Variants in LYPLAL1 observed in about 807,000 individuals in gnomAD.
LYPLAL1 encodes lysophospholipase like 1, also known as lysophospholipase-like protein 1.
A neutral mutation model predicts 19.7 loss-of-function variants in LYPLAL1; 23 were observed. That is an observed-to-expected ratio of 1.17 (90% CI 0.84 to 1.65). LYPLAL1 has a LOEUF of 1.65. Ranked by LOEUF, LYPLAL1 falls within the 40% of genes most tolerant of loss-of-function variation. The probability of loss-of-function intolerance (pLI) is 0.00; values close to 1 mark genes in which losing one functional copy is unlikely to be tolerated. For synonymous variants in LYPLAL1, 119 were observed against 96.3 expected (o/e 1.24, Z -1.38); for missense variants, 355 against 279.4 (o/e 1.27, Z -1.93).
chr1:219,178,696 CTTT>C (rs1452335258), intron 1 of LYPLAL1, among the ~76,000 whole-genome samples: 1 of 151,964 alleles, frequency 6.6e-6, no homozygotes, highest in Admixed American at 6.6e-5. Flanking sequence ...ACATTTTGGA[CTTT>C]TTTTAACCAA....
chr1:219,217,302 T>C (rs1659324131), downstream of LYPLAL1, among the ~76,000 whole-genome samples: 1 of 151,982 alleles, frequency 6.6e-6, no homozygotes, highest in South Asian at 2.1e-4. Flanking sequence ...TTTTAATGAA[T>C]GCTTGTTCTG....
the LYPLAL1 span, among the ~76,000 whole-genome samples, chr1:219,379,829 T>C: frequency 6.6e-6 from 1 of 152,236 alleles, no homozygotes; most frequent in South Asian, 2.1e-4. Flanking sequence ...AGGATGCTGT[T>C]GCTGTAATCA....
chr1:219,312,195 T>C, the LYPLAL1 span, among the ~76,000 whole-genome samples: 18 of 152,106 alleles, frequency 1.2e-4, no homozygotes, highest in Non-Finnish European at 2.5e-4. Context: ...AGGAGGGCAC[T>C]GGACTTCTGA....
intron 3 of LYPLAL1, among the ~76,000 whole-genome samples, chr1:219,195,575 C>T (rs532919873): frequency 2.0e-5 from 3 of 152,060 alleles, no homozygotes; most frequent in Non-Finnish European, 4.4e-5. Flanking sequence ...CTCTTCCTTT[C>T]CCAGATCCAT....
chr1:219,177,573 G>T (rs550468007), intron 1 of LYPLAL1, among the ~76,000 whole-genome samples: 1 of 152,174 alleles, frequency 6.6e-6, no homozygotes, highest in South Asian at 2.1e-4. Context: ...GTCTAGTATT[G>T]TTCACCCAGT....
At chr1:219,318,468 C>T in the LYPLAL1 span, among the ~76,000 whole-genome samples, 1 of 150,666 alleles carries the variant, frequency 6.6e-6, no homozygotes, top group African/African-American at 2.4e-5. Context: ...ATTTTCTCAT[C>T]TCCACCAAAC....
the LYPLAL1 span, among the ~76,000 whole-genome samples, chr1:219,415,852 C>A: frequency 6.6e-6 from 1 of 152,208 alleles, no homozygotes; most frequent in Non-Finnish European, 1.5e-5. Context: ...TGCCCCTTGG[C>A]TTGCAGCTGA....
chr1:219,221,544 G>C, the LYPLAL1 span, among the ~76,000 whole-genome samples: 1 of 152,144 alleles, frequency 6.6e-6, no homozygotes. Context: ...TGGGGGTCGG[G>C]TGCTCAGTTT....
the LYPLAL1 span, among the ~76,000 whole-genome samples, chr1:219,258,149 A>G: frequency 6.6e-6 from 1 of 152,128 alleles, no homozygotes; most frequent in African/African-American, 2.4e-5. Flanking sequence ...GTTCGTTGTC[A>G]AGGTGCACTG....
the LYPLAL1 span, among the ~76,000 whole-genome samples, chr1:219,438,745 A>G: frequency 1.3e-5 from 2 of 152,330 alleles, no homozygotes; most frequent in South Asian, 4.1e-4. Context: ...GGCATTTACT[A>G]TGGCATTTAT....
chr1:219,375,490 TAAAAAAAAAAAA>T, the LYPLAL1 span, among the ~76,000 whole-genome samples: 69 of 37,488 alleles, frequency 1.8e-3, no homozygotes, highest in Non-Finnish European at 2.8e-3. Flanking sequence ...AAACTCCTTC[TAAAAAAAAAAAA>T]AAAAAAAAAA....
the LYPLAL1 span, among the ~76,000 whole-genome samples, chr1:219,409,211 G>A: frequency 1.3e-5 from 2 of 152,184 alleles, no homozygotes; most frequent in Non-Finnish European, 2.9e-5. Flanking sequence ...AATTTTGGGA[G>A]GTGGAGATGG....
chr1:219,250,882 C>G, the LYPLAL1 span, among the ~76,000 whole-genome samples: 3 of 152,048 alleles, frequency 2.0e-5, no homozygotes, highest in Non-Finnish European at 4.4e-5. Flanking sequence ...AATCGCCATA[C>G]TGCTTTCCAC....
chr1:219,396,962 T>C, the LYPLAL1 span, among the ~76,000 whole-genome samples: 29 of 152,100 alleles, frequency 1.9e-4, no homozygotes, highest in East Asian at 1.7e-3. Flanking sequence ...TGAGTAGGAG[T>C]GGTGAGAGAG....
At chr1:219,273,286 A>G in the LYPLAL1 span, 2 of 152,240 alleles carry the variant, frequency 1.3e-5, no homozygotes, top group Admixed American at 6.5e-5. Flanking sequence ...GTTTGAATCA[A>G]CATACAATCT....
chr1:219,312,512 C>T, the LYPLAL1 span, among the ~76,000 whole-genome samples: 1 of 152,110 alleles, frequency 6.6e-6, no homozygotes. Context: ...CTGGGGAAAC[C>T]ACGCCAGGGA....
chr1:219,263,324 G>T, the LYPLAL1 span, among the ~76,000 whole-genome samples: 1 of 152,076 alleles, frequency 6.6e-6, no homozygotes, highest in Non-Finnish European at 1.5e-5. Context: ...AGCTGGTGAG[G>T]CCAGTCTCAC....
At chr1:219,204,761 A>G (rs1658412497) in intron 3 of LYPLAL1, among the ~76,000 whole-genome samples, 1 of 152,206 alleles carries the variant, frequency 6.6e-6, no homozygotes, top group Non-Finnish European at 1.5e-5. Flanking sequence ...TGGCTAATAC[A>G]GAGTTGGGAC....
At chr1:219,339,487 A>G in the LYPLAL1 span, among the ~76,000 whole-genome samples, 4 of 152,084 alleles carry the variant, frequency 2.6e-5, no homozygotes, top group Non-Finnish European at 5.9e-5. Flanking sequence ...TTTTTTAAAA[A>G]CAAAAAACTT....
Sources: allele counts gnomAD v4.1 joint callset (sites outside exome capture counted in the v4.1 genomes callset), GRCh38; gene constraint gnomAD v4.1.1; transcripts MANE v1.5; gene names NCBI Gene and HGNC (gene_info 2026-07-23, HGNC 2026-07-21).